The following DIAPH2 variants were observed in gnomAD, a reference collection of about 807,000 sequenced individuals.
The protein encoded by DIAPH2 is protein diaphanous homolog 2.
DIAPH2 carries 35 observed loss-of-function variants against 92.7 expected under a neutral mutation model. The observed-to-expected ratio is 0.38, with a 90% CI of 0.29 to 0.50. The LOEUF (loss-of-function observed/expected upper bound fraction) is 0.50. DIAPH2 is among the 20% of genes least tolerant of loss of function. DIAPH2 has a pLI of 0.94. For missense variants in DIAPH2, 701 were observed against 819.5 expected, an observed-to-expected ratio of 0.86 and a Z score of 1.77; for synonymous variants, 301 against 280.4, an observed-to-expected ratio of 1.07 and a Z score of -0.73.
chrX:96,996,118 T>C (rs1446823890), intron 17 of DIAPH2, among the ~76,000 whole-genome samples: 1 of 111,968 alleles, frequency 8.9e-6, no homozygotes, highest in African/African-American at 3.2e-5. Flanking sequence ...AGCAGTTCTT[T>C]TGAAAGTTAA....
intron 21 of DIAPH2, among the ~76,000 whole-genome samples, chrX:97,129,968 A>G (rs1478315148): frequency 8.9e-6 from 1 of 112,437 alleles, no homozygotes; most frequent in African/African-American, 3.2e-5. Flanking sequence ...ATATTTCTCC[A>G]GAGAAGATAA....
chrX:97,388,354 T>G (rs1273967104), intron 25 of DIAPH2, among the ~76,000 whole-genome samples: 2 of 111,516 alleles, frequency 1.8e-5, no homozygotes, highest in African/African-American at 6.5e-5. Context: ...CCACCCTACT[T>G]TATTTTATTT....
Position 96,685,155 on chromosome X carries a change from G to T in DIAPH2, c.97G>T (p.Ala33Ser). ...CAAGCGGAGCGCGGGGAACCGGGCC[G>T]CCAATGAAGAGGAAACGAAAAACAA... ...SNKRSAGNRA[A>S]NEEETKNKPK... The change falls in exon 1 of 27, where the codon GCC becomes TCC. Residue 33 changes from alanine to serine, a missense_variant. Ala to Ser is a moderately conservative substitution (Grantham distance 99). Coordinates refer to ENST00000324765, the MANE Select transcript of DIAPH2 (RefSeq NM_006729.5). 9.9e-7 allele frequency: 1 copy of T among 1,013,239 alleles called. No homozygotes were observed. The highest frequency in any genetic ancestry group is 2.0e-5 in the African/African-American group (1 of 51,050). 83.5% of individuals were successfully genotyped at this position (1,013,239 alleles called of 1,213,427 possible).
intron 4 of DIAPH2, among the ~76,000 whole-genome samples, chrX:96,818,561 G>T (rs2064756021): frequency 9.0e-6 from 1 of 111,558 alleles, no homozygotes; most frequent in Admixed American, 9.5e-5. Flanking sequence ...AATTAAAATT[G>T]ATTAAAATTA....
In DIAPH2 at chrX:97,492,026, G is replaced by A. The variant is rs778736856; in HGVS notation, c.3241+62281G>A. The stretch of plus-strand genomic sequence containing the variant: ...TCCCTCACCATACTCTGTTATTGAT[G>A]TCATAGTTTAAATCTTTTTATATTG... On this transcript the variant is annotated intron_variant, in intron 26 of 26. Transcript: ENST00000324765. 8.9e-5 allele frequency among the ~76,000 whole-genome samples: 10 copies of A among 111,995 alleles called. No individual in the cohort carries two copies. The East Asian group carries it at 2.2e-3, about 25-fold the overall frequency.
At chrX:97,482,381 T>C (rs1221291652) in intron 26 of DIAPH2, among the ~76,000 whole-genome samples, 2 of 112,640 alleles carry the variant, frequency 1.8e-5, no homozygotes, top group Non-Finnish European at 3.8e-5. Context: ...TGCAACATTG[T>C]TGTGCTTCTT....
At chrX:97,160,801 G>C (rs2067364094) in intron 22 of DIAPH2, among the ~76,000 whole-genome samples, 1 of 111,341 alleles carries the variant, frequency 9.0e-6, no homozygotes, top group Non-Finnish European at 1.9e-5. Context: ...TCCAAAAATA[G>C]ATTAAACACA....
At chrX:97,085,511 G>C (rs754290403) in intron 19 of DIAPH2, among the ~76,000 whole-genome samples, 4 of 110,999 alleles carry the variant, frequency 3.6e-5, no homozygotes, top group Admixed American at 9.6e-5. Flanking sequence ...TGCAACCTCT[G>C]CCTTCTGGGC....
intron 25 of DIAPH2, among the ~76,000 whole-genome samples, chrX:97,391,770 G>T (rs1349614974): frequency 9.0e-6 from 1 of 110,505 alleles, no homozygotes; most frequent in East Asian, 2.8e-4. Flanking sequence ...TCATCAAGGA[G>T]AAATATTTGA....
chrX:96,754,376 T>A (rs1569384620), intron 3 of DIAPH2, among the ~76,000 whole-genome samples: 1 of 112,198 alleles, frequency 8.9e-6, no homozygotes, highest in Non-Finnish European at 1.9e-5. Flanking sequence ...TTATAAATAA[T>A]ATGTAATTTG....
intron 24 of DIAPH2, among the ~76,000 whole-genome samples, chrX:97,357,786 C>G (rs2069282328): frequency 8.9e-6 from 1 of 111,765 alleles, no homozygotes; most frequent in Non-Finnish European, 1.9e-5. Flanking sequence ...AGTGAAAGAA[C>G]AAATAGTGGT....
At chrX:97,143,964 G>A (rs1242092015) in intron 22 of DIAPH2, among the ~76,000 whole-genome samples, 3 of 112,001 alleles carry the variant, frequency 2.7e-5, no homozygotes, top group Non-Finnish European at 3.8e-5. Flanking sequence ...GAGATAGAGC[G>A]TAGATTGATG....
intron 4 of DIAPH2, among the ~76,000 whole-genome samples, chrX:96,842,271 C>T (rs945214419): frequency 1.8e-5 from 2 of 111,819 alleles, no homozygotes; most frequent in Admixed American, 9.5e-5. Flanking sequence ...TCTCCTAACA[C>T]GTTTTCATTT....
At chrX:96,786,273 G>A (rs1394454825) in intron 4 of DIAPH2, among the ~76,000 whole-genome samples, 1 of 111,341 alleles carries the variant, frequency 9.0e-6, no homozygotes, top group African/African-American at 3.3e-5. Context: ...TGAGCTAAAT[G>A]CCCCCTTGAT....
chrX:97,189,455 C>G (rs1207494608), intron 22 of DIAPH2, among the ~76,000 whole-genome samples: 1 of 94,329 alleles, frequency 1.1e-5, no homozygotes, highest in Admixed American at 1.2e-4. Context: ...CCCTCCCACC[C>G]TCCCTCTTCC....
chrX:97,178,151 A>T (rs1034480957), intron 22 of DIAPH2, among the ~76,000 whole-genome samples: 4 of 110,266 alleles, frequency 3.6e-5, no homozygotes, highest in Non-Finnish European at 7.6e-5. Context: ...ATGCAGGAGG[A>T]TCTCTTGAGC....
intron 26 of DIAPH2, among the ~76,000 whole-genome samples, chrX:97,569,503 C>T (rs1290385219): frequency 7.2e-5 from 8 of 111,670 alleles, no homozygotes; most frequent in Admixed American, 3.8e-4. Context: ...CACATAATTG[C>T]GTTCAGTTCT....
chrX:97,261,795 C>T (rs1357134434), intron 23 of DIAPH2, among the ~76,000 whole-genome samples: 1 of 111,079 alleles, frequency 9.0e-6, no homozygotes, highest in East Asian at 2.8e-4. Flanking sequence ...CATTTATGTA[C>T]AAAGGGATTG....
intron 21 of DIAPH2, among the ~76,000 whole-genome samples, chrX:97,137,234 G>A (rs973326475): frequency 1.0e-5 from 1 of 97,681 alleles, no homozygotes; most frequent in Non-Finnish European, 2.0e-5. Flanking sequence ...GTCAACCTCT[G>A]TGTGTGTGGT....
Sources: allele counts gnomAD v4.1 joint callset (sites outside exome capture counted in the v4.1 genomes callset), GRCh38; gene constraint gnomAD v4.1.1; transcripts MANE v1.5; gene names NCBI Gene and HGNC (gene_info 2026-07-23, HGNC 2026-07-21).